BMERB1: variants seen among roughly 807,000 people sequenced by gnomAD.
The protein encoded by BMERB1 is bMERB domain containing 1.
BMERB1 carries 12 observed loss-of-function variants against 23.6 expected under a neutral mutation model. The ratio of observed to expected loss-of-function variants is 0.51; its 90% CI spans 0.33 to 0.82. The LOEUF (loss-of-function observed/expected upper bound fraction) is 0.82. Ranked by LOEUF, BMERB1 falls within the 40% of genes least tolerant of loss-of-function variation. BMERB1 has a pLI of 0.03. For missense variants in BMERB1, 247 were observed against 255.4 expected, an observed-to-expected ratio of 0.97 and a Z score of 0.22; for synonymous variants, 122 against 96.6, an observed-to-expected ratio of 1.26 and a Z score of -1.54.
At chr16:15,513,398 A>C (rs1044740829) in intron 1 of BMERB1, among the ~76,000 whole-genome samples, 1 of 152,172 alleles carries the variant, frequency 6.6e-6, no homozygotes. Flanking sequence ...AAGACCATCC[A>C]AGGACAGGCA....
At chr16:15,491,686 T>C (rs988327518) in intron 1 of BMERB1, among the ~76,000 whole-genome samples, 1 of 152,148 alleles carries the variant, frequency 6.6e-6, no homozygotes, top group Non-Finnish European at 1.5e-5. Context: ...CACTGTGTTG[T>C]CACCTCTCAC....
chr16:15,436,505 T>C (rs2050889464), intron 1 of BMERB1, among the ~76,000 whole-genome samples: 1 of 152,140 alleles, frequency 6.6e-6, no homozygotes, highest in Non-Finnish European at 1.5e-5. Context: ...GTGATCGGCC[T>C]GCCCTGGCCT....
intron 2 of BMERB1, among the ~76,000 whole-genome samples, chr16:15,540,354 C>T (rs905572192): frequency 1.3e-5 from 2 of 151,752 alleles, no homozygotes; most frequent in African/African-American, 2.4e-5. Flanking sequence ...GGCAAAACCC[C>T]GTCTCTACTA....
At chr16:15,466,776 T>C (rs939990518) in intron 1 of BMERB1, among the ~76,000 whole-genome samples, 2 of 152,166 alleles carry the variant, frequency 1.3e-5, no homozygotes, top group Non-Finnish European at 2.9e-5. Flanking sequence ...TATTTAGATT[T>C]GTGTGACTAT....
intron 2 of BMERB1, among the ~76,000 whole-genome samples, chr16:15,555,860 GA>G (rs1192823087): frequency 6.6e-6 from 1 of 151,870 alleles, no homozygotes; most frequent in Non-Finnish European, 1.5e-5. Context: ...TATCATCTTG[GA>G]ACCATTTGAT....
intron 2 of BMERB1, among the ~76,000 whole-genome samples, chr16:15,522,620 G>A (rs1020689612): frequency 3.3e-5 from 5 of 152,186 alleles, no homozygotes; most frequent in Admixed American, 2.0e-4. Context: ...GGCACTGAGA[G>A]GTCAAGTCTC....
At chr16:15,513,793 C>G (rs1026822078) in intron 1 of BMERB1, among the ~76,000 whole-genome samples, 1 of 152,096 alleles carries the variant, frequency 6.6e-6, no homozygotes, top group Non-Finnish European at 1.5e-5. Context: ...ACTTGGGAGA[C>G]TGACGCAGGA....
intron 2 of BMERB1, among the ~76,000 whole-genome samples, chr16:15,544,161 T>G (rs1236450177): frequency 2.0e-5 from 3 of 152,354 alleles, no homozygotes; most frequent in African/African-American, 7.2e-5. Flanking sequence ...TTCTCTCGAA[T>G]TTAGCAATCT....
chr16:15,485,732 AAAC>A (rs961417190), intron 1 of BMERB1, among the ~76,000 whole-genome samples: 4 of 151,796 alleles, frequency 2.6e-5, no homozygotes, highest in African/African-American at 4.8e-5. Flanking sequence ...AAAAGCAAAC[AAAC>A]AACAACAAGA....
intron 2 of BMERB1, among the ~76,000 whole-genome samples, chr16:15,547,135 C>G (rs1321114854): frequency 1.3e-5 from 2 of 151,430 alleles, no homozygotes; most frequent in African/African-American, 4.9e-5. Context: ...GCCTCAGCTT[C>G]CGAGTAGCTG....
chr16:15,438,821 C>T (rs536987735), intron 1 of BMERB1, among the ~76,000 whole-genome samples: 6 of 152,278 alleles, frequency 3.9e-5, no homozygotes, highest in Non-Finnish European at 5.9e-5. Flanking sequence ...TTGGAACACT[C>T]TTTCAACTCT....
chr16:15,509,710 G>C (rs1488375816), intron 1 of BMERB1, among the ~76,000 whole-genome samples: 1 of 152,156 alleles, frequency 6.6e-6, no homozygotes, highest in Non-Finnish European at 1.5e-5. Flanking sequence ...GCTGTGCTCT[G>C]TGTGCAGGAT....
intron 3 of BMERB1, among the ~76,000 whole-genome samples, chr16:15,572,238 AC>A (rs35421346): frequency 2.0e-5 from 3 of 151,694 alleles, no homozygotes; most frequent in East Asian, 1.9e-4. Flanking sequence ...CAATAATACT[AC>A]CCCCCGCATG....
At chr16:15,577,571 C>T (rs1279650080) in intron 3 of BMERB1, among the ~76,000 whole-genome samples, 1 of 152,194 alleles carries the variant, frequency 6.6e-6, no homozygotes, top group South Asian at 2.1e-4. Context: ...ACTTGGAAGA[C>T]GGCCAAGTGG....
intron 1 of BMERB1, among the ~76,000 whole-genome samples, chr16:15,485,054 A>C (rs1193470583): frequency 6.6e-6 from 1 of 152,236 alleles, no homozygotes; most frequent in African/African-American, 2.4e-5. Context: ...ATTAGCCATC[A>C]GGTAGCAATC....
At chr16:15,573,685 C>T (rs993348734) in intron 3 of BMERB1, among the ~76,000 whole-genome samples, 1 of 152,126 alleles carries the variant, frequency 6.6e-6, no homozygotes, top group African/African-American at 2.4e-5. Context: ...CATCTTGTAG[C>T]CTCCAGCTGC....
At chr16:15,523,186 CAT>C in intron 2 of BMERB1, among the ~76,000 whole-genome samples, 1 of 152,286 alleles carries the variant, frequency 6.6e-6, no homozygotes, top group Non-Finnish European at 1.5e-5. Context: ...GGCCTGCCAG[CAT>C]CTGTCATGTG....
chr16:15,575,742 C>G (rs996306028), intron 3 of BMERB1, among the ~76,000 whole-genome samples: 1 of 152,064 alleles, frequency 6.6e-6, no homozygotes, highest in East Asian at 1.9e-4. Context: ...AGAGGTTTCC[C>G]GTTGGCTACT....
intron 1 of BMERB1, among the ~76,000 whole-genome samples, chr16:15,468,960 T>A (rs2150930865): frequency 6.6e-6 from 1 of 150,444 alleles, no homozygotes; most frequent in South Asian, 2.1e-4. Context: ...TAAATCATCT[T>A]CACACTTTTT....
Sources: allele counts gnomAD v4.1 joint callset (sites outside exome capture counted in the v4.1 genomes callset), GRCh38; gene constraint gnomAD v4.1.1; transcripts MANE v1.5; gene names NCBI Gene and HGNC (gene_info 2026-07-23, HGNC 2026-07-21).